SGCZ: variants seen among roughly 807,000 people sequenced by gnomAD.
SGCZ encodes the protein sarcoglycan zeta, also known as zeta-sarcoglycan.
A neutral mutation model predicts 41.3 loss-of-function variants in SGCZ; 40 were observed. The ratio of observed to expected loss-of-function variants is 0.97; its 90% confidence interval spans 0.75 to 1.26. The LOEUF is 1.26. Ranked by LOEUF, SGCZ falls within the 50% of genes most tolerant of loss-of-function variation. The pLI is 0.00. For missense variants in SGCZ, 552 were observed against 369.8 expected (o/e 1.49, Z -4.04); for synonymous variants, 206 against 137.5 (o/e 1.50, Z -3.49).
chr8:14,130,858 G>T (rs930862303), intron 5 of SGCZ, among the ~76,000 whole-genome samples: 2 of 152,164 alleles, frequency 1.3e-5, no homozygotes, highest in Non-Finnish European at 1.5e-5. Flanking sequence ...CAGTAAGCAA[G>T]CAAGCAACAT....
At chr8:15,227,153 C>A (rs1801803177) in intron 1 of SGCZ, among the ~76,000 whole-genome samples, 1 of 152,026 alleles carries the variant, frequency 6.6e-6, no homozygotes, top group Admixed American at 6.6e-5. Flanking sequence ...CATCACCCTG[C>A]AAGTGAAAGT....
At chr8:14,168,534 C>A (rs978323818) in intron 4 of SGCZ, among the ~76,000 whole-genome samples, 9 of 152,074 alleles carry the variant, frequency 5.9e-5, no homozygotes, top group African/African-American at 2.2e-4. Flanking sequence ...AGTTTCCCTG[C>A]ACAAGCTCTT....
chr8:14,563,348 G>C (rs1024141466), intron 1 of SGCZ, among the ~76,000 whole-genome samples: 5 of 152,164 alleles, frequency 3.3e-5, no homozygotes, highest in African/African-American at 1.2e-4. Context: ...ATGAGATATG[G>C]CTTCTTTCTG....
At chr8:14,165,450 C>T (rs2290969) in intron 4 of SGCZ, 30,369 of 151,930 alleles carry the variant, frequency 0.2, 3,794 homozygotes, top group East Asian at 0.63. Flanking sequence ...GAGTATTAGG[C>T]TTTGGCAAGA....
intron 1 of SGCZ, among the ~76,000 whole-genome samples, chr8:14,777,511 GA>G (rs1316516740): frequency 3.1e-4 from 47 of 152,188 alleles, no homozygotes; most frequent in Non-Finnish European, 6.6e-4. Context: ...TTTTCTAGTT[GA>G]AGATCCAATC....
At chr8:15,217,820 A>G (rs1203957781) in intron 1 of SGCZ, among the ~76,000 whole-genome samples, 1 of 152,100 alleles carries the variant, frequency 6.6e-6, no homozygotes, top group African/African-American at 2.4e-5. Flanking sequence ...TGTGCGTGGC[A>G]TTCATGCCTA....
intron 4 of SGCZ, among the ~76,000 whole-genome samples, chr8:14,221,762 C>A (rs1311134077): frequency 6.6e-6 from 1 of 151,998 alleles, no homozygotes; most frequent in Non-Finnish European, 1.5e-5. Flanking sequence ...ATGGTGAAAC[C>A]TCATCTGTAC....
intron 6 of SGCZ, among the ~76,000 whole-genome samples, chr8:14,102,960 A>C (rs12544741): frequency 0.22 from 34,109 of 152,136 alleles, 4,048 homozygotes; most frequent in Middle Eastern, 0.27. Flanking sequence ...TGTAAACATG[A>C]ATGCTTTAAT....
At chr8:14,953,617 G>T (rs998113010) in intron 1 of SGCZ, among the ~76,000 whole-genome samples, 1 of 152,266 alleles carries the variant, frequency 6.6e-6, no homozygotes, top group African/African-American at 2.4e-5. Context: ...GAAGACAGAT[G>T]TGTAGTTCTC....
At chr8:14,237,182 A>C (rs1408898218) in intron 4 of SGCZ, among the ~76,000 whole-genome samples, 1 of 152,188 alleles carries the variant, frequency 6.6e-6, no homozygotes, top group Non-Finnish European at 1.5e-5. Flanking sequence ...GGTGCATTTC[A>C]TAATTCAAGA....
chr8:14,623,441 G>T (rs1392014498), intron 1 of SGCZ, among the ~76,000 whole-genome samples: 3 of 152,136 alleles, frequency 2.0e-5, no homozygotes, highest in Non-Finnish European at 2.9e-5. Context: ...CAAGAGAAGA[G>T]GCAGACATCT....
intron 1 of SGCZ, among the ~76,000 whole-genome samples, chr8:14,743,649 A>G (rs573384775): frequency 3.4e-4 from 51 of 152,192 alleles, no homozygotes; most frequent in African/African-American, 1.2e-3. Context: ...TTAGAAAAAG[A>G]GTGAAGATTT....
At chr8:14,601,741 T>C (rs1417548523) in intron 1 of SGCZ, among the ~76,000 whole-genome samples, 4 of 152,214 alleles carry the variant, frequency 2.6e-5, no homozygotes, top group African/African-American at 9.6e-5. Context: ...GCTGCATTAG[T>C]GAAAACTGGA....
intron 2 of SGCZ, among the ~76,000 whole-genome samples, chr8:14,461,624 C>A (rs1419883131): frequency 6.6e-6 from 1 of 152,100 alleles, no homozygotes; most frequent in Non-Finnish European, 1.5e-5. Context: ...GCTCATATCC[C>A]TGAGGAGTTT....
intron 2 of SGCZ, among the ~76,000 whole-genome samples, chr8:14,410,643 A>C (rs574446264): frequency 1.1e-4 from 16 of 152,188 alleles, no homozygotes; most frequent in Admixed American, 6.5e-4. Flanking sequence ...GAGCATTACT[A>C]CAAATACCTA....
At chr8:14,929,353 G>C (rs1207187930) in intron 1 of SGCZ, among the ~76,000 whole-genome samples, 1 of 152,118 alleles carries the variant, frequency 6.6e-6, no homozygotes, top group Non-Finnish European at 1.5e-5. Flanking sequence ...TAAAGTGAGA[G>C]GCATATGCTT....
intron 1 of SGCZ, among the ~76,000 whole-genome samples, chr8:15,105,276 T>C (rs1268125910): frequency 1.3e-5 from 2 of 152,196 alleles, no homozygotes; most frequent in Admixed American, 1.3e-4. Flanking sequence ...TTCGACCTTG[T>C]CCATGATTAT....
chr8:14,617,860 G>A (rs3068664), intron 1 of SGCZ, among the ~76,000 whole-genome samples: 26 of 83,154 alleles, frequency 3.1e-4, no homozygotes, highest in Admixed American at 6.1e-4. Context: ...ATGTGTGTGT[G>A]TGTGTGTGTG....
intron 2 of SGCZ, among the ~76,000 whole-genome samples, chr8:14,479,172 T>C (rs2116999240): frequency 6.6e-6 from 1 of 152,202 alleles, no homozygotes; most frequent in Admixed American, 6.5e-5. Context: ...TCCCAAAACC[T>C]CAAAAGTAGT....
Sources: allele counts gnomAD v4.1 joint callset (sites outside exome capture counted in the v4.1 genomes callset), GRCh38; gene constraint gnomAD v4.1.1; transcripts MANE v1.5; gene names NCBI Gene and HGNC (gene_info 2026-07-23, HGNC 2026-07-21).